TTC1: variants seen among roughly 807,000 people sequenced by gnomAD.
The protein encoded by TTC1 is tetratricopeptide repeat domain 1, also known as tetratricopeptide repeat protein 1.
In TTC1, 31 loss-of-function variants were observed where a neutral mutation model predicts 37.6. The observed-to-expected ratio is 0.82, with a 90% CI of 0.62 to 1.11. The LOEUF is 1.11. Ranked by LOEUF, TTC1 falls within the 50% of genes most tolerant of loss-of-function variation. The probability of loss-of-function intolerance (pLI) is 0.00; values close to 1 mark genes in which losing one functional copy is unlikely to be tolerated. For missense variants in TTC1, 351 were observed against 339.0 expected (o/e 1.04, Z -0.28); for synonymous variants, 127 against 122.4 (o/e 1.04, Z -0.25).
At chr5:160,016,904 T>G (rs966664444) in intron 2 of TTC1, among the ~76,000 whole-genome samples, 1 of 152,202 alleles carries the variant, frequency 6.6e-6, no homozygotes, top group Non-Finnish European at 1.5e-5. Flanking sequence ...CACGCTCAAG[T>G]GTAGTGTCAC....
At chr5:160,012,002 C>T (rs1420509450) in intron 2 of TTC1, among the ~76,000 whole-genome samples, 2 of 152,078 alleles carry the variant, frequency 1.3e-5, no homozygotes, top group Non-Finnish European at 2.9e-5. Context: ...TGAACGTGTT[C>T]GTTTTTGTGC....
intron 7 of TTC1, among the ~76,000 whole-genome samples, chr5:160,059,640 G>A (rs1581127692): frequency 6.6e-6 from 1 of 152,210 alleles, no homozygotes; most frequent in African/African-American, 2.4e-5. Context: ...AGGGAAGCCT[G>A]AGGAGAGGGA....
chr5:160,059,208 A>G (rs1757630687), intron 7 of TTC1, among the ~76,000 whole-genome samples: 1 of 152,262 alleles, frequency 6.6e-6, no homozygotes, highest in Admixed American at 6.5e-5. Flanking sequence ...CATCTACACT[A>G]AAAACATGCT....
At chr5:160,051,259 G>A (rs1757397607) in intron 7 of TTC1, 76 bp downstream of exon 7, 15 of 1,193,702 alleles carry the variant, frequency 1.3e-5, no homozygotes, top group Non-Finnish European at 1.8e-5. Flanking sequence ...TACTAGAGGA[G>A]AACACATGAG....
chr5:160,058,305 C>T (rs1757598603), intron 7 of TTC1, among the ~76,000 whole-genome samples: 1 of 152,212 alleles, frequency 6.6e-6, no homozygotes, highest in Non-Finnish European at 1.5e-5. Flanking sequence ...GAAGTCTTCA[C>T]CCCCTCAAAG....
rs915610755 is a variant in TTC1 at position 160,043,294 on chromosome 5, T to C, written c.541+125T>C. On this transcript the variant is annotated intron_variant, in intron 5 of 7. Transcript: ENST00000231238. ...TCTGGGGCCTTGCAAGAGGCAACTTTATAATTATTTTCAAAGATACTATAT... is the reference window on the plus strand; with the variant it reads ...TCTGGGGCCTTGCAAGAGGCAACTTCATAATTATTTTCAAAGATACTATAT... 3 of 848,642 alleles carry C rather than the reference T, an allele frequency of 3.5e-6. No homozygotes were observed. In the South Asian group the frequency reaches 6.0e-5, roughly 17 times the overall value. 52.6% of individuals were successfully genotyped at this position (848,642 alleles called of 1,614,324 possible).
chr5:160,040,142 A>G (rs890158103), intron 4 of TTC1, among the ~76,000 whole-genome samples: 5 of 152,222 alleles, frequency 3.3e-5, no homozygotes, highest in African/African-American at 1.2e-4. Context: ...CTGAATTACT[A>G]TAGGCAGTTG....
At chr5:160,042,791 A>C (rs1757123403) in intron 4 of TTC1, among the ~76,000 whole-genome samples, 1 of 152,194 alleles carries the variant, frequency 6.6e-6, no homozygotes, top group Non-Finnish European at 1.5e-5. Context: ...AGTTATTCAC[A>C]TGTCAGTCAT....
At chr5:160,055,744 G>C (rs1315063361) in intron 7 of TTC1, among the ~76,000 whole-genome samples, 2 of 152,264 alleles carry the variant, frequency 1.3e-5, no homozygotes, top group African/African-American at 4.8e-5. Flanking sequence ...AGAGGCCAGA[G>C]GAGGGCATGG....
chr5:160,047,772 C>T (rs537591714), intron 5 of TTC1, among the ~76,000 whole-genome samples: 5 of 152,332 alleles, frequency 3.3e-5, no homozygotes, highest in African/African-American at 1.2e-4. Flanking sequence ...CTGGCACGCT[C>T]CTCCTTAGCC....
Position 160,057,100 on chromosome 5 carries a change from G to A in TTC1, c.745+5917G>A. Among the ~76,000 whole-genome samples the A allele has an allele frequency of 6.6e-6, 1 of 152,098 alleles. No homozygotes were observed. The highest frequency in any genetic ancestry group is 1.9e-4 in the East Asian group (1 of 5,196). On this transcript the variant is annotated intron_variant, in intron 7 of 7. Coordinates refer to ENST00000231238, the MANE Select transcript of TTC1 (RefSeq NM_003314.3). The surrounding 1 kb of genome is among the most constrained non-coding windows in gnomAD (Gnocchi z 4.4). Reference sequence around the variant, plus strand: ...AAGAAACCAATTCCTTGTTGTGGTTGGTTGTTCCCTCAGTAGAGAATATCA... The same window carrying A: ...AAGAAACCAATTCCTTGTTGTGGTTAGTTGTTCCCTCAGTAGAGAATATCA...
At chr5:160,036,636 T>C in intron 3 of TTC1, 55 bp from the exon 4 acceptor site, 2 of 1,194,390 alleles carry the variant, frequency 1.7e-6, no homozygotes, top group Middle Eastern at 2.1e-4. Context: ...CTGTGGAATA[T>C]AGTAGTATCA....
At chr5:160,045,099 A>G (rs543701029) in intron 5 of TTC1, among the ~76,000 whole-genome samples, 1 of 152,286 alleles carries the variant, frequency 6.6e-6, no homozygotes, top group South Asian at 2.1e-4. Context: ...TGGGAAGTTT[A>G]AATTAGGAAC....
At chr5:160,019,568 TTTTC>T (rs1212304386) in intron 2 of TTC1, among the ~76,000 whole-genome samples, 3 of 151,020 alleles carry the variant, frequency 2.0e-5, no homozygotes, top group African/African-American at 7.3e-5. Context: ...GTTGTTTCCC[TTTTC>T]TTTCATTCTT....
intron 2 of TTC1, among the ~76,000 whole-genome samples, chr5:160,034,631 G>A (rs907784286): frequency 2.0e-5 from 3 of 152,076 alleles, no homozygotes; most frequent in Non-Finnish European, 4.4e-5. Flanking sequence ...CACTGTATGG[G>A]CAGCTTTATG....
intron 2 of TTC1, among the ~76,000 whole-genome samples, chr5:160,028,849 A>G (rs1057080432): frequency 2.6e-5 from 4 of 152,296 alleles, no homozygotes; most frequent in East Asian, 3.9e-4. Flanking sequence ...AATTCCACCT[A>G]TTTTTGAACT....
At chr5:160,049,156 T>C (rs1449891466) in intron 5 of TTC1, among the ~76,000 whole-genome samples, 1 of 152,220 alleles carries the variant, frequency 6.6e-6, no homozygotes, top group Non-Finnish European at 1.5e-5. Context: ...TTTTAAATCA[T>C]TGGAAAGCAA....
chr5:160,031,710 G>T (rs78705945), intron 2 of TTC1, among the ~76,000 whole-genome samples: 1 of 152,032 alleles, frequency 6.6e-6, no homozygotes, highest in Admixed American at 6.6e-5. Context: ...AGTTATAAAG[G>T]CAAGATGAGG....
intron 4 of TTC1, among the ~76,000 whole-genome samples, chr5:160,040,959 T>TA (rs781535299): frequency 6.6e-6 from 1 of 150,894 alleles, no homozygotes; most frequent in Admixed American, 6.6e-5. Context: ...TTTTTTTTTT[T>TA]ACTTTTTAAA....
Sources: allele counts gnomAD v4.1 joint callset (sites outside exome capture counted in the v4.1 genomes callset), GRCh38; gene constraint gnomAD v4.1.1; non-coding constraint Gnocchi (gnomAD v3.1); transcripts MANE v1.5; gene names NCBI Gene and HGNC (gene_info 2026-07-23, HGNC 2026-07-21).